MMP3: variants seen among roughly 807,000 people sequenced by gnomAD.
The protein encoded by MMP3 is stromelysin-1.
A neutral mutation model predicts 47.3 loss-of-function variants in MMP3; 46 were observed. That is an observed-to-expected ratio of 0.97 (90% CI 0.77 to 1.24). The LOEUF (loss-of-function observed/expected upper bound fraction) is 1.24, where lower values mean the gene tolerates loss of function less well. MMP3 is among the 50% of genes most tolerant of loss of function. The pLI, the probability that MMP3 is intolerant of heterozygous loss-of-function variation, is 0.00. For missense variants in MMP3, 558 were observed against 565.5 expected (o/e 0.99, Z 0.13); for synonymous variants, 216 against 206.5 (o/e 1.05, Z -0.39).
chr11:102,842,549 T>G lies in MMP3; in HGVS notation c.381A>C (p.Lys127Asn), dbSNP rs1555005709. 1 of 1,613,906 alleles carries G rather than the reference T, an allele frequency of 6.2e-7. No individual in the cohort carries two copies. Among genetic ancestry groups the G allele is most frequent in the Admixed American group, 1.7e-5 (1 of 59,982 alleles). ...RIVNYTPDLP[K>N]DAVDSAVEKA... ...TCTCAACAGCAGAATCAACAGCATC[T>G]TTTGGCAAATCTGGTGTATAATTCA... is the stretch of plus-strand genomic sequence containing the variant. Residue 127 changes from lysine to asparagine, a missense_variant, in exon 3 of 10, where the codon AAA becomes AAC. Physicochemically the swap from Lys to Asn is moderately conservative, Grantham distance 94. Coordinates refer to ENST00000299855, the MANE Select transcript of MMP3 (RefSeq NM_002422.5).
chr11:102,842,404 C>CTTT (rs11418340), intron 3 of MMP3, 27 bp downstream of exon 3: 10,646 of 802,584 alleles, frequency 0.013, 485 homozygotes, highest in African/African-American at 0.074. Flanking sequence ...TTTTGTTTTG[C>CTTT]TTTTTTTTTT....
rs367591133 is a variant in MMP3 at position 102,837,249 on chromosome 11, A to G, written c.1333+49T>C. 1.9e-5 allele frequency: 27 copies of G among 1,412,214 alleles called. No homozygotes were observed. In the African/African-American group the frequency reaches 3.8e-4, roughly 20 times the overall value. The allele number at this position is 1,412,214 out of a possible 1,614,324, so 87.5% of individuals were successfully genotyped here. On this transcript the variant is annotated intron_variant, in intron 9 of 9. Coordinates refer to ENST00000299855, the MANE Select transcript of MMP3 (RefSeq NM_002422.5). The surrounding 1 kb of genome is among the most constrained non-coding windows in gnomAD (Gnocchi z 4.4). ...CAATGCTCCTCTTCCCTCTGATATC[A>G]TAAAATGTTTCAAGTGCTCTATGGC...
Position 102,843,427 on chromosome 11 carries a change from G to A in MMP3, c.105+15C>T. 6.3e-7 allele frequency: 1 copy of A among 1,598,450 alleles called. No homozygotes were observed. The highest frequency in any genetic ancestry group is 8.6e-7 in the Non-Finnish European group (1 of 1,166,850). On this transcript the variant is annotated intron_variant, in intron 1 of 9. Transcript: ENST00000299855. The stretch of plus-strand genomic sequence containing the variant: ...GGAAGCTCCCCACCTGGCCAGGTCA[G>A]TTAGTGTTAATTACCTGAACAAGGT...
chr11:102,843,080 A>G (rs537700084), intron 1 of MMP3, among the ~76,000 whole-genome samples, 164 bp from the exon 2 acceptor site: 1 of 148,280 alleles, frequency 6.7e-6, no homozygotes, highest in East Asian at 2.0e-4. Context: ...CAACACAAAT[A>G]TTTAGCTAAA....
Position 102,840,606 on chromosome 11 carries a change from T to C in MMP3, c.626-13A>G, listed in dbSNP as rs1555005296. On this transcript the variant is annotated splice_polypyrimidine_tract_variant and intron_variant, in intron 4 of 9. Coordinates refer to ENST00000299855, the MANE Select transcript of MMP3 (RefSeq NM_002422.5). ...AATAAATTGGTCCCTATTTAAGAAA[T>C]TGAGAACAATAGTTACTTATTTTTT... 1.2e-6 allele frequency: 2 copies of C among 1,612,690 alleles called. No individual in the cohort carries two copies. The highest frequency in any genetic ancestry group is 1.3e-5 in the African/African-American group (1 of 74,802).
At chr11:102,839,482 A>C (rs782710572) in intron 6 of MMP3, among the ~76,000 whole-genome samples, 2 of 152,218 alleles carry the variant, frequency 1.3e-5, no homozygotes, top group African/African-American at 2.4e-5. Context: ...AAATTATTCT[A>C]TCGTGCAAAT....
At chr11:102,838,497 G>T (rs1419354318) in intron 8 of MMP3, 54 bp downstream of exon 8, 1 of 1,563,582 alleles carries the variant, frequency 6.4e-7, no homozygotes, top group Non-Finnish European at 8.7e-7. Context: ...CTTAGTAAAA[G>T]AAACTAATTT....
Position 102,836,227 on chromosome 11 carries a change from C to T in MMP3, c.1334-1G>A, listed in dbSNP as rs781914778. 10 of 1,608,016 alleles carry T rather than the reference C, an allele frequency of 6.2e-6. No individual in the cohort carries two copies. The highest frequency in any genetic ancestry group is 8.5e-6 in the Non-Finnish European group (10 of 1,175,438). On this transcript the variant is annotated splice_acceptor_variant, in intron 9 of 9. Transcript: ENST00000299855. LOFTEE classifies it high-confidence loss of function. The surrounding 1 kb of genome is among the most constrained non-coding windows in gnomAD (Gnocchi z 4.6). ...GATCCAGTAAAGAAATAAAAGAACC[C>T]TGCAAATACAGACAAGGGAAATAGT...
rs1565226397 is a variant in MMP3, at chr11:102,842,831, A to T, written c.191T>A (p.Ile64Asn). The change falls in exon 2 of 10, where the codon ATC (isoleucine) becomes AAC (asparagine). Residue 64 changes from isoleucine to asparagine, a missense_variant. Transcript: ENST00000299855. The part of the protein sequence containing the change: ...RKDSGPVVKK[I>N]REMQKFLGLE... ...TCCAAGGAACTTCTGCATTTCTCGG[A>T]TTTTTTTAACAACAGGACCACTGTC... 1 of 1,613,788 alleles carries T rather than the reference A, an allele frequency of 6.2e-7. No individual in the cohort carries two copies. Among genetic ancestry groups the T allele is most frequent in the Admixed American group, 1.7e-5 (1 of 59,940 alleles).
rs1352262469 is a variant in MMP3, at chr11:102,837,069, G to A, written c.1333+229C>T. 1.3e-5 allele frequency among the ~76,000 whole-genome samples: 2 copies of A among 152,172 alleles called. No individual in the cohort carries two copies. Among genetic ancestry groups the A allele is most frequent in the African/African-American group, 4.8e-5 (2 of 41,432 alleles). On this transcript the variant is annotated intron_variant, in intron 9 of 9. Transcript: ENST00000299855. This position sits in a 1 kb window ranked among gnomAD's most constrained non-coding sequence, Gnocchi z 4.4. The stretch of plus-strand genomic sequence containing the variant: ...ACACTGGAGCACTTTGATTTTATAT[G>A]CATGTATAAGATAAAGTAGCGAGAT...
chr11:102,839,047 T>C (rs781998475), intron 7 of MMP3, 63 bp downstream of exon 7: 1 of 1,550,740 alleles, frequency 6.4e-7, no homozygotes, highest in Non-Finnish European at 8.8e-7. Flanking sequence ...ATTAAAGTGT[T>C]GTTCAATTTC....
chr11:102,837,336 C>A lies in MMP3; in HGVS notation c.1295G>T (p.Gly432Val). Residue 432 changes from glycine (G) to valine (V), a missense_variant, in exon 9 of 10, where the codon GGG becomes GTG. Transcript: ENST00000299855. This position sits in a 1 kb window ranked among gnomAD's most constrained non-coding sequence, Gnocchi z 4.4. ...AACAGCATCAATCTTTGAGTCAATC[C>A]CTGGAAAGTCTTCAGCTATTTGCTT... ...FPKQIAEDFPGIDSKIDAVFE... is the reference protein window; with the variant it reads ...FPKQIAEDFPVIDSKIDAVFE... 6.2e-7 allele frequency: 1 copy of A among 1,613,408 alleles called. No homozygotes were observed. Among genetic ancestry groups the A allele is most frequent in the South Asian group, 1.1e-5 (1 of 91,050 alleles).
At chr11:102,840,308 C>A in intron 5 of MMP3, 56 bp from the exon 6 acceptor site, 1 of 1,596,736 alleles carries the variant, frequency 6.3e-7, no homozygotes, top group Admixed American at 1.7e-5. Context: ...CATTTGTATG[C>A]TTTCCAAACA....
rs547803695 is a variant in MMP3 at position 102,837,106 on chromosome 11, T to A, written c.1333+192A>T. Among the ~76,000 whole-genome samples the A allele has an allele frequency of 6.6e-6, 1 of 152,352 alleles. No individual in the cohort carries two copies. Among genetic ancestry groups the A allele is most frequent in the East Asian group, 1.9e-4 (1 of 5,186 alleles). The stretch of plus-strand genomic sequence containing the variant: ...TAAAGTAGCGAGATTTGTGTAATTA[T>A]CTTTATGGTTCCAAACAAGTTATTT... On this transcript the variant is annotated intron_variant, in intron 9 of 9. Transcript: ENST00000299855. The surrounding 1 kb of genome is among the most constrained non-coding windows in gnomAD (Gnocchi z 4.4).
intron 6 of MMP3, 130 bp downstream of exon 6, chr11:102,839,978 T>G: frequency 9.5e-7 from 1 of 1,051,538 alleles, no homozygotes; most frequent in Admixed American, 3.0e-5. Context: ...GCACCAGATC[T>G]AAATGATTCC....
intron 5 of MMP3, 45 bp downstream of exon 5, chr11:102,840,384 C>T (rs1450020730): frequency 1.2e-6 from 2 of 1,602,702 alleles, no homozygotes; most frequent in Admixed American, 3.4e-5. Flanking sequence ...TTCTGAAGAC[C>T]ATCATTGCAA....
chr11:102,843,397 ACTC>A, intron 1 of MMP3, 42 bp downstream of exon 1: 1 of 1,387,472 alleles, frequency 7.2e-7, no homozygotes, highest in Non-Finnish European at 1.0e-6. Flanking sequence ...GTTTCAGCTT[ACTC>A]TGGAAGCTCC....
chr11:102,839,331 C>T lies in MMP3; in HGVS notation c.936-88G>A, dbSNP rs1281198877. The T allele has an allele frequency of 4.1e-6, 6 of 1,451,170 alleles. No homozygotes were observed. In the African/African-American group the frequency reaches 7.1e-5, roughly 17 times the overall value. The allele number at this position is 1,451,170 out of a possible 1,614,324, so 89.9% of individuals were successfully genotyped here. A position where few individuals can be genotyped will look rare whatever the true frequency, so the allele number is the denominator to read the frequency against. On this transcript the variant is annotated intron_variant, in intron 6 of 9. Transcript: ENST00000299855. Reference sequence around the variant, plus strand: ...CTCACCGTCTTGCCTCACCCAGCTTCCCCCATTCTCTCATCTTCTAGGCTG... The same window carrying T: ...CTCACCGTCTTGCCTCACCCAGCTTTCCCCATTCTCTCATCTTCTAGGCTG...
rs782640978 is a variant in MMP3 at position 102,838,677 on chromosome 11, A to G, written c.1103T>C (p.Val368Ala). ...GATGCCTCTTGGGTATCCAGCTCGT[A>G]CCTCATTTCCTCTGATAGCCCAGAA... ...NQFWAIRGNE[V>A]RAGYPRGIHT... The change falls in exon 8 of 10, where the codon GTA becomes GCA. Residue 368 changes from valine (V) to alanine (A), a missense_variant. Val to Ala is a moderately conservative substitution (Grantham distance 64). Coordinates refer to ENST00000299855, the MANE Select transcript of MMP3 (RefSeq NM_002422.5). 3 of 1,613,110 alleles carry G rather than the reference A, an allele frequency of 1.9e-6. No individual in the cohort carries two copies. The highest frequency in any genetic ancestry group is 8.5e-7 in the Non-Finnish European group (1 of 1,179,866).
Sources: gnomAD v4.1 joint callset for allele counts (sites outside exome capture counted in the v4.1 genomes callset) on GRCh38, gnomAD v4.1.1 for gene constraint, Gnocchi (gnomAD v3.1) non-coding constraint, MANE v1.5 for transcripts, NCBI Gene and HGNC (gene_info 2026-07-23, HGNC 2026-07-21) for gene names.